LARGE1: variants seen among roughly 807,000 people sequenced by gnomAD.
LARGE1 encodes the protein LARGE xylosyl- and glucuronyltransferase 1, also known as xylosyl- and glucuronyltransferase LARGE1.
In LARGE1, 43 loss-of-function variants were observed where a neutral mutation model predicts 87.6. The ratio of observed to expected loss-of-function variants is 0.49; its 90% CI spans 0.38 to 0.63. The LOEUF is 0.63. LARGE1 is among the 30% of genes least tolerant of loss of function. The probability of loss-of-function intolerance (pLI) is 0.00; values close to 1 mark genes in which losing one functional copy is unlikely to be tolerated. For missense variants in LARGE1, 802 were observed against 1,000.2 expected (o/e 0.80, Z 2.67); for synonymous variants, 434 against 394.6 (o/e 1.10, Z -1.18).
chr22:33,771,648 A>C (rs2085071590), intron 1 of LARGE1, among the ~76,000 whole-genome samples: 1 of 152,108 alleles, frequency 6.6e-6, no homozygotes, highest in Admixed American at 6.6e-5. Context: ...CTCCCGGCTG[A>C]TGACTCCCAT....
intron 1 of LARGE1, among the ~76,000 whole-genome samples, chr22:33,792,939 A>G (rs974502205): frequency 9.2e-5 from 14 of 152,202 alleles, no homozygotes; most frequent in Non-Finnish European, 1.5e-4. Context: ...ACTGACATTG[A>G]GCACCTCTTC....
intron 6 of LARGE1, among the ~76,000 whole-genome samples, chr22:33,470,981 T>G (rs2068809704): frequency 6.6e-6 from 1 of 152,126 alleles, no homozygotes; most frequent in South Asian, 2.1e-4. Context: ...GTAAAATGAC[T>G]TATAAACGTT....
In LARGE1 at chr22:33,625,699, A is replaced by G. The variant is rs1602789139; in HGVS notation, c.491+545T>C. On this transcript the variant is annotated intron_variant, in intron 4 of 14. Coordinates refer to ENST00000397394, the MANE Select transcript of LARGE1 (RefSeq NM_133642.5). ...TGACTTGCATATGGCCTCCTTCTCA[A>G]TGTATGTTCACATGGTCTGTGTTTG... 2.0e-5 allele frequency among the ~76,000 whole-genome samples: 3 copies of G among 152,264 alleles called. No individual in the cohort carries two copies. The South Asian group carries it at 6.2e-4, about 32-fold the overall frequency.
chr22:33,856,356 T>C (rs1377908564), intron 1 of LARGE1, among the ~76,000 whole-genome samples: 1 of 152,088 alleles, frequency 6.6e-6, no homozygotes, highest in Non-Finnish European at 1.5e-5. Flanking sequence ...AAGCAGTCAC[T>C]TCCCCCTCAG....
Position 33,762,213 on chromosome 22 carries a change from C to CAAAAAAAAAAA in LARGE1, c.-82-666_-82-656dup, listed in dbSNP as rs56832457. Reference sequence around the variant, plus strand: ...AGGGAGACAGAGCGAGATTCTATCTCAAAAAAAAAAAAAAAAAAAAAAAAA... The same window carrying CAAAAAAAAAAA: ...AGGGAGACAGAGCGAGATTCTATCTCAAAAAAAAAAAAAAAAAAAAAAAAAAAAAAAAAAAA... On this transcript the variant is annotated intron_variant, in intron 1 of 14. Coordinates refer to ENST00000397394, the MANE Select transcript of LARGE1 (RefSeq NM_133642.5). Among the ~76,000 whole-genome samples the CAAAAAAAAAAA allele has an allele frequency of 3.9e-4, 33 of 84,468 alleles. 1 individual carries two copies. The highest frequency in any genetic ancestry group is 1.6e-3 in the African/African-American group (32 of 19,578). 55.4% of individuals were successfully genotyped at this position (84,468 alleles called of 152,430 possible).
At chr22:33,677,288 TAAA>T (rs779032764) in intron 2 of LARGE1, among the ~76,000 whole-genome samples, 27 of 110,094 alleles carry the variant, frequency 2.5e-4, no homozygotes, top group Non-Finnish European at 1.6e-4. Context: ...TTTCAGGAGT[TAAA>T]AAAAAAAAAA....
rs555480218 is a variant in LARGE1 at position 33,851,451 on chromosome 22, C to T, written c.-83+68544G>A. Among the ~76,000 whole-genome samples the T allele has an allele frequency of 1.5e-4, 23 of 152,328 alleles. No individual in the cohort carries two copies. The South Asian group carries it at 4.8e-3, about 32-fold the overall frequency. ...CTGTTTCCACAATTATCAAGTGACT[C>T]AGCTCTCCAATTAAACTGTGTACAT... On this transcript the variant is annotated intron_variant, in intron 1 of 14. Coordinates refer to ENST00000397394, the MANE Select transcript of LARGE1 (RefSeq NM_133642.5).
chr22:33,502,540 C>T (rs1445045215), intron 6 of LARGE1, among the ~76,000 whole-genome samples: 2 of 152,042 alleles, frequency 1.3e-5, no homozygotes, highest in Non-Finnish European at 2.9e-5. Flanking sequence ...GTATAGGTGC[C>T]ACCCACCTCT....
intron 11 of LARGE1, among the ~76,000 whole-genome samples, chr22:33,212,167 A>AT (rs1924996978): frequency 6.6e-6 from 1 of 151,916 alleles, no homozygotes; most frequent in Non-Finnish European, 1.5e-5. Context: ...AAAAAAAAAA[A>AT]GCCATCTAGG....
intron 5 of LARGE1, among the ~76,000 whole-genome samples, chr22:33,579,829 G>C (rs548212672): frequency 2.4e-4 from 36 of 152,296 alleles, no homozygotes; most frequent in African/African-American, 8.7e-4. Context: ...ATTGGGAAGT[G>C]AGCCAATCAA....
chr22:33,152,962 C>A, the LARGE1 span, among the ~76,000 whole-genome samples: 1 of 152,072 alleles, frequency 6.6e-6, no homozygotes, highest in African/African-American at 2.4e-5. Flanking sequence ...TTGCTATATT[C>A]TAAGAGTCTT....
the LARGE1 span, among the ~76,000 whole-genome samples, chr22:33,154,593 G>A: frequency 3.3e-5 from 5 of 152,154 alleles, no homozygotes; most frequent in East Asian, 3.9e-4. Flanking sequence ...CTGTGACTAC[G>A]CTTTCTCTGA....
chr22:33,668,936 G>C (rs1057166531), intron 2 of LARGE1, among the ~76,000 whole-genome samples: 1 of 152,226 alleles, frequency 6.6e-6, no homozygotes, highest in African/African-American at 2.4e-5. Context: ...GGGCAAGAGA[G>C]GGTTAATTTG....
At chr22:33,718,817 G>A (rs981033730) in intron 2 of LARGE1, among the ~76,000 whole-genome samples, 25 of 152,168 alleles carry the variant, frequency 1.6e-4, no homozygotes, top group Admixed American at 9.8e-4. Context: ...TCGCTCTGTC[G>A]CCCAGGCTGG....
chr22:33,843,352 G>A (rs143771198), intron 1 of LARGE1, among the ~76,000 whole-genome samples: 7 of 151,658 alleles, frequency 4.6e-5, no homozygotes, highest in Non-Finnish European at 5.9e-5. Flanking sequence ...CAGGAGAATC[G>A]CCCGACCCCA....
chr22:33,281,127 C>T (rs1930361614), intron 13 of LARGE1, among the ~76,000 whole-genome samples: 1 of 152,160 alleles, frequency 6.6e-6, no homozygotes, highest in Non-Finnish European at 1.5e-5. Context: ...TAACTTAGCA[C>T]TTGGCATGAT....
chr22:33,357,460 T>C (rs1244232421), intron 9 of LARGE1, among the ~76,000 whole-genome samples: 1 of 152,170 alleles, frequency 6.6e-6, no homozygotes, highest in African/African-American at 2.4e-5. Flanking sequence ...CACTATGTAA[T>C]ATATCCATGT....
intron 6 of LARGE1, among the ~76,000 whole-genome samples, chr22:33,443,582 G>C (rs1307622111): frequency 1.3e-5 from 2 of 152,188 alleles, no homozygotes; most frequent in African/African-American, 4.8e-5. Context: ...GGAGCATAGA[G>C]AAGGAAGGCC....
At chr22:33,479,631 A>C (rs917846288) in intron 6 of LARGE1, among the ~76,000 whole-genome samples, 1 of 152,182 alleles carries the variant, frequency 6.6e-6, no homozygotes, top group African/African-American at 2.4e-5. Flanking sequence ...CTCACCAACA[A>C]ATCAAATTGC....
Sources: allele counts gnomAD v4.1 joint callset (sites outside exome capture counted in the v4.1 genomes callset), GRCh38; gene constraint gnomAD v4.1.1; transcripts MANE v1.5; gene names NCBI Gene and HGNC (gene_info 2026-07-23, HGNC 2026-07-21).